Variants in FCHSD2 observed in about 807,000 individuals in gnomAD.
FCHSD2 encodes the protein F-BAR and double SH3 domains protein 2.
In FCHSD2, 38 loss-of-function variants were observed where a neutral mutation model predicts 108.1. The ratio of observed to expected loss-of-function variants is 0.35; its 90% CI spans 0.27 to 0.46. FCHSD2 has a LOEUF of 0.46. Ranked by LOEUF, FCHSD2 falls within the 20% of genes least tolerant of loss-of-function variation. The pLI is 1.00. For missense variants in FCHSD2, 751 were observed against 897.8 expected (o/e 0.84, Z 2.09); for synonymous variants, 279 against 314.7 (o/e 0.89, Z 1.20).
chr11:72,846,499 GCTCT>G (rs773442417), intron 14 of FCHSD2, among the ~76,000 whole-genome samples: 3 of 152,060 alleles, frequency 2.0e-5, no homozygotes, highest in Non-Finnish European at 4.4e-5. Context: ...TTCTTAAAAG[GCTCT>G]CTGAGCGTCC....
At chr11:72,996,420 A>G (rs894234146) in intron 5 of FCHSD2, among the ~76,000 whole-genome samples, 3 of 152,234 alleles carry the variant, frequency 2.0e-5, no homozygotes, top group African/African-American at 7.2e-5. Flanking sequence ...ACTCTAGTAT[A>G]AATGTGAAAG....
At chr11:73,085,940 A>C (rs1859804193) in intron 2 of FCHSD2, among the ~76,000 whole-genome samples, 1 of 152,238 alleles carries the variant, frequency 6.6e-6, no homozygotes, top group Non-Finnish European at 1.5e-5. Flanking sequence ...GTCCCTGAAA[A>C]AGAATTGATG....
chr11:73,116,809 T>C (rs57741648), intron 2 of FCHSD2, among the ~76,000 whole-genome samples: 3,506 of 152,302 alleles, frequency 0.023, 129 homozygotes, highest in African/African-American at 0.08. Flanking sequence ...AGTGCACGGA[T>C]TACAGGCATG....
intron 8 of FCHSD2, chr11:72,983,677 A>G (rs1012748539): frequency 8.7e-6 from 2 of 230,368 alleles, no homozygotes; most frequent in African/African-American, 4.7e-5. Context: ...TCTTTCTCCG[A>G]TGATTCAGAA....
intron 14 of FCHSD2, among the ~76,000 whole-genome samples, chr11:72,849,216 C>T (rs1861223724): frequency 6.6e-6 from 1 of 152,158 alleles, no homozygotes; most frequent in Non-Finnish European, 1.5e-5. Context: ...ATTCACGCCT[C>T]CCTTCCAACA....
At chr11:72,963,803 G>A (rs1224611307) in intron 8 of FCHSD2, among the ~76,000 whole-genome samples, 1 of 152,164 alleles carries the variant, frequency 6.6e-6, no homozygotes, top group Non-Finnish European at 1.5e-5. Context: ...AGGCAGTAAT[G>A]CTCACTGGCC....
chr11:72,860,856 G>A (rs1375352917), intron 13 of FCHSD2, among the ~76,000 whole-genome samples: 1 of 151,870 alleles, frequency 6.6e-6, no homozygotes, highest in Non-Finnish European at 1.5e-5. Context: ...ATTTTGAACT[G>A]GATAAAAATG....
rs2135584163 is a variant in FCHSD2, at chr11:73,142,266, C to T, written c.-389G>A. The T allele has an allele frequency of 6.6e-6, 1 of 152,168 alleles. No individual in the cohort carries two copies. The highest frequency in any genetic ancestry group is 2.1e-4 in the South Asian group (1 of 4,826). The allele number at this position is 152,168 out of a possible 1,614,324, so 9.4% of individuals were successfully genotyped here. ...CGGTCGGCCGCCTGCGCCGCCGCTC[C>T]CGGCGGACGCAGCGGCCCCCACCCC... On this transcript the variant is annotated 5_prime_UTR_variant, in exon 1 of 20. Coordinates refer to ENST00000409418, the MANE Select transcript of FCHSD2 (RefSeq NM_014824.3).
chr11:72,867,043 A>G (rs1032842475), intron 13 of FCHSD2, among the ~76,000 whole-genome samples: 5 of 152,256 alleles, frequency 3.3e-5, no homozygotes, highest in African/African-American at 7.2e-5. Flanking sequence ...CCAGGAAGAT[A>G]TGGCAATTAC....
chr11:72,969,708 T>C (rs897112959), intron 8 of FCHSD2, among the ~76,000 whole-genome samples: 2 of 152,222 alleles, frequency 1.3e-5, no homozygotes, highest in Admixed American at 6.5e-5. Flanking sequence ...TAAAATGGCT[T>C]AACATGCAAT....
chr11:73,061,404 C>T (rs1436939594), intron 3 of FCHSD2, among the ~76,000 whole-genome samples: 1 of 152,174 alleles, frequency 6.6e-6, no homozygotes, highest in African/African-American at 2.4e-5. Context: ...AAACTAGCTG[C>T]AGGAATTCTT....
chr11:72,840,802 C>T (rs1860901368), intron 19 of FCHSD2, 75 bp downstream of exon 19: 6 of 1,119,114 alleles, frequency 5.4e-6, no homozygotes, highest in East Asian at 4.9e-5. Flanking sequence ...ACAGGGGCCA[C>T]GGGGAAACAT....
chr11:72,875,498 G>A (rs970200664), intron 12 of FCHSD2, among the ~76,000 whole-genome samples: 1 of 152,096 alleles, frequency 6.6e-6, no homozygotes. Flanking sequence ...CACATCTAAT[G>A]TTAAAGTTTT....
At chr11:73,032,110 G>A (rs992371055) in intron 3 of FCHSD2, among the ~76,000 whole-genome samples, 31 of 151,930 alleles carry the variant, frequency 2.0e-4, no homozygotes, top group African/African-American at 6.8e-4. Context: ...TGAATAGCAC[G>A]GTCCTATTTT....
At chr11:72,945,898 T>A (rs1158654274) in intron 8 of FCHSD2, among the ~76,000 whole-genome samples, 1 of 152,128 alleles carries the variant, frequency 6.6e-6, no homozygotes, top group Non-Finnish European at 1.5e-5. Context: ...AGGAAACAAC[T>A]GGTGCTGGAG....
At chr11:73,077,159 TCTA>T in intron 3 of FCHSD2, among the ~76,000 whole-genome samples, 1 of 150,988 alleles carries the variant, frequency 6.6e-6, no homozygotes, top group East Asian at 1.9e-4. Context: ...GCTCATTCGT[TCTA>T]CTTTCACATA....
chr11:72,936,321 CTCTAAG>C (rs1377149634), intron 8 of FCHSD2, among the ~76,000 whole-genome samples: 4 of 152,286 alleles, frequency 2.6e-5, no homozygotes, highest in Non-Finnish European at 4.4e-5. Flanking sequence ...AGTAGAACTG[CTCTAAG>C]TCTGTTACCT....
At chr11:73,126,339 T>TAAAAAAAAAAAAAAAAAAAA (rs61586562) in intron 2 of FCHSD2, among the ~76,000 whole-genome samples, 11 of 27,648 alleles carry the variant, frequency 4.0e-4, no homozygotes, top group East Asian at 3.9e-3. Context: ...GATTCCATCT[T>TAAAAAAAAAAAAAAAAAAAA]AAAAAAAAAA....
chr11:73,113,509 C>T (rs904770820), intron 2 of FCHSD2, among the ~76,000 whole-genome samples: 1 of 152,012 alleles, frequency 6.6e-6, no homozygotes, highest in Non-Finnish European at 1.5e-5. Flanking sequence ...GCTGGGACTA[C>T]AAGCATGTGC....
Sources: gnomAD v4.1 joint callset for allele counts (sites outside exome capture counted in the v4.1 genomes callset) on GRCh38, gnomAD v4.1.1 for gene constraint, MANE v1.5 for transcripts, NCBI Gene and HGNC (gene_info 2026-07-23, HGNC 2026-07-21) for gene names.